TMEM132D: variants seen among roughly 807,000 people sequenced by gnomAD.
TMEM132D encodes transmembrane protein 132D.
In TMEM132D, 21 loss-of-function variants were observed where a neutral mutation model predicts 62.3. The ratio of observed to expected loss-of-function variants is 0.34; its 90% CI spans 0.24 to 0.49. TMEM132D has a LOEUF of 0.49. TMEM132D is among the 20% of genes least tolerant of loss of function. TMEM132D has a pLI of 0.99. For missense variants in TMEM132D, 1,346 were observed against 1,402.8 expected (o/e 0.96, Z 0.65); for synonymous variants, 621 against 575.6 (o/e 1.08, Z -1.13).
chr12:129,558,408 G>C (rs560712303), intron 2 of TMEM132D, among the ~76,000 whole-genome samples: 2 of 152,284 alleles, frequency 1.3e-5, no homozygotes, highest in Admixed American at 6.5e-5. Context: ...ATTTCAATTA[G>C]AGAGTGTTTA....
In TMEM132D at chr12:129,506,464, T is replaced by G. The variant is rs897464950; in HGVS notation, c.1115+24595A>C. ...CATTACCCTATTTCAAACTATACTA[T>G]AAGGCGATAGTCACCAAAACAGCAT... is the stretch of plus-strand genomic sequence containing the variant. On this transcript the variant is annotated intron_variant, in intron 3 of 8. Transcript: ENST00000422113. Among the ~76,000 whole-genome samples the G allele has an allele frequency of 3.3e-5, 5 of 152,190 alleles. No homozygotes were observed. In the South Asian group the frequency reaches 1.0e-3, roughly 32 times the overall value.
At chr12:129,832,922 A>G (rs1448000757) in intron 1 of TMEM132D, among the ~76,000 whole-genome samples, 1 of 152,168 alleles carries the variant, frequency 6.6e-6, no homozygotes, top group East Asian at 1.9e-4. Context: ...AGAACTAGCA[A>G]ACTCATTTAA....
At chr12:129,282,184 C>G (rs1348734298) in intron 4 of TMEM132D, among the ~76,000 whole-genome samples, 4 of 152,142 alleles carry the variant, frequency 2.6e-5, no homozygotes, top group African/African-American at 9.7e-5. Context: ...CTGAGGTTTG[C>G]TGAGAAGGCA....
intron 5 of TMEM132D, among the ~76,000 whole-genome samples, chr12:129,102,633 T>C (rs1340430990): frequency 6.6e-6 from 1 of 152,240 alleles, no homozygotes; most frequent in Non-Finnish European, 1.5e-5. Flanking sequence ...CTGATGTTTC[T>C]TCTGCTACCA....
At chr12:129,491,499 A>C (rs538327575) in intron 3 of TMEM132D, among the ~76,000 whole-genome samples, 1 of 152,248 alleles carries the variant, frequency 6.6e-6, no homozygotes, top group Middle Eastern at 3.4e-3. Context: ...GGTTGTGCCA[A>C]CCAGCTTCCC....
At chr12:129,807,645 T>C (rs1031901011) in intron 1 of TMEM132D, among the ~76,000 whole-genome samples, 2 of 152,160 alleles carry the variant, frequency 1.3e-5, no homozygotes, top group African/African-American at 4.8e-5. Context: ...ATTGTTAACA[T>C]CTGTCTTCCG....
chr12:129,244,444 T>A (rs4414298), intron 4 of TMEM132D, among the ~76,000 whole-genome samples: 38,455 of 151,116 alleles, frequency 0.25, 5,054 homozygotes, highest in African/African-American at 0.28. Context: ...TATTCATTTG[T>A]TCATTCAGCA....
chr12:129,441,215 A>G (rs541203183), intron 3 of TMEM132D, among the ~76,000 whole-genome samples: 1 of 152,366 alleles, frequency 6.6e-6, no homozygotes, highest in East Asian at 1.9e-4. Flanking sequence ...AGGTTTCAGC[A>G]TCAGGAAAGG....
At chr12:129,501,539 T>G (rs1228219094) in intron 3 of TMEM132D, among the ~76,000 whole-genome samples, 1 of 152,092 alleles carries the variant, frequency 6.6e-6, no homozygotes, top group Admixed American at 6.5e-5. Context: ...TGGGTGTCAC[T>G]TTGTTGCCTA....
At chr12:129,869,110 G>A (rs1874161732) in intron 1 of TMEM132D, among the ~76,000 whole-genome samples, 1 of 151,482 alleles carries the variant, frequency 6.6e-6, no homozygotes, top group Non-Finnish European at 1.5e-5. Flanking sequence ...ACAGGAATCT[G>A]GGGTTCCCAC....
chr12:129,753,271 A>C (rs1235731899), intron 1 of TMEM132D, among the ~76,000 whole-genome samples: 1 of 152,236 alleles, frequency 6.6e-6, no homozygotes, highest in East Asian at 1.9e-4. Flanking sequence ...GATATTCTTC[A>C]TCATTGTCCA....
intron 3 of TMEM132D, among the ~76,000 whole-genome samples, chr12:129,475,045 T>G (rs1874217617): frequency 6.6e-6 from 1 of 151,952 alleles, no homozygotes; most frequent in African/African-American, 2.4e-5. Context: ...AAGCTTGAAC[T>G]TTGAAGGGGT....
chr12:129,860,774 A>G (rs991086897), intron 1 of TMEM132D, among the ~76,000 whole-genome samples: 1 of 152,130 alleles, frequency 6.6e-6, no homozygotes, highest in African/African-American at 2.4e-5. Context: ...AAAGAAGGGG[A>G]AGCAAACGTG....
chr12:129,335,490 T>C (rs1049993094), intron 4 of TMEM132D, among the ~76,000 whole-genome samples: 1 of 152,200 alleles, frequency 6.6e-6, no homozygotes, highest in Middle Eastern at 3.2e-3. Context: ...GTAGGTATTA[T>C]CCCTGTAACT....
intron 5 of TMEM132D, among the ~76,000 whole-genome samples, chr12:129,201,591 C>T (rs1878706255): frequency 6.6e-6 from 1 of 152,162 alleles, no homozygotes; most frequent in Admixed American, 6.5e-5. Flanking sequence ...AAATAGGTCC[C>T]ATAAGAACAT....
chr12:129,681,110 G>A (rs917375988), intron 2 of TMEM132D, among the ~76,000 whole-genome samples: 2 of 152,234 alleles, frequency 1.3e-5, no homozygotes, highest in Non-Finnish European at 2.9e-5. Flanking sequence ...GCACAGCACA[G>A]CAGGGTAAGG....
chr12:129,446,573 C>T (rs550577488), intron 3 of TMEM132D, among the ~76,000 whole-genome samples: 14 of 152,292 alleles, frequency 9.2e-5, no homozygotes, highest in Non-Finnish European at 8.8e-5. Context: ...CCATTTTGTC[C>T]CGTTAACACT....
intron 1 of TMEM132D, among the ~76,000 whole-genome samples, chr12:129,897,328 G>A (rs914974446): frequency 6.6e-6 from 1 of 152,178 alleles, no homozygotes; most frequent in Non-Finnish European, 1.5e-5. Context: ...AACAGGAAGA[G>A]TCTGTGTCTT....
chr12:129,356,673 T>A (rs1215496011), intron 3 of TMEM132D, among the ~76,000 whole-genome samples: 5 of 146,854 alleles, frequency 3.4e-5, no homozygotes, highest in Non-Finnish European at 1.5e-5. Context: ...AATAAATAAA[T>A]AAATAAATAA....
Sources: gnomAD v4.1 joint callset for allele counts (sites outside exome capture counted in the v4.1 genomes callset) on GRCh38, gnomAD v4.1.1 for gene constraint, MANE v1.5 for transcripts, NCBI Gene and HGNC (gene_info 2026-07-23, HGNC 2026-07-21) for gene names.